Variants in SYNE2 observed in about 807,000 individuals in gnomAD.
SYNE2 encodes nesprin-2.
Under a neutral mutation model 856.3 loss-of-function variants are expected in SYNE2, and 431 were observed. The observed-to-expected ratio is 0.50, with a 90% CI of 0.47 to 0.55. The LOEUF is 0.55. Among genes scored for constraint, SYNE2 ranks in the 20% least tolerant of loss-of-function variants. The pLI is 0.00. For synonymous variants in SYNE2, 2,923 were observed against 2,872.3 expected, an observed-to-expected ratio of 1.02 and a Z score of -0.56; for missense variants, 8,129 against 8,023.2, an observed-to-expected ratio of 1.01 and a Z score of -0.50.
At chr14:63,965,011 A>G (rs979080433) in intron 10 of SYNE2, among the ~76,000 whole-genome samples, 1 of 136,920 alleles carries the variant, frequency 7.3e-6, no homozygotes. Flanking sequence ...GGCCCAGGCT[A>G]GAGTACAGTG....
chr14:63,840,640 G>A (rs1201569151), intron 1 of SYNE2, among the ~76,000 whole-genome samples: 1 of 151,514 alleles, frequency 6.6e-6, no homozygotes, highest in Non-Finnish European at 1.5e-5. Context: ...AATTTTAAAT[G>A]TCTCTGCCAA....
At chr14:64,141,236 T>G in intron 80 of SYNE2, 105 bp from the exon 81 acceptor site, 1 of 872,670 alleles carries the variant, frequency 1.1e-6, no homozygotes, top group African/African-American at 1.7e-5. Context: ...GTATACACAT[T>G]CGTATATTTA....
chr14:64,043,498 TA>T (rs35237735), intron 45 of SYNE2, among the ~76,000 whole-genome samples: 119,133 of 150,114 alleles, frequency 0.79, 48,152 homozygotes, highest in Non-Finnish European at 0.88. Flanking sequence ...GAGGCCTATG[TA>T]AAAAAAAAAA....
intron 1 of SYNE2, among the ~76,000 whole-genome samples, chr14:63,824,911 A>G (rs1057133216): frequency 7.2e-5 from 11 of 152,076 alleles, no homozygotes; most frequent in African/African-American, 2.4e-4. Flanking sequence ...AGGTGGGCGG[A>G]TCGCGAGGTC....
intron 2 of SYNE2, among the ~76,000 whole-genome samples, chr14:63,910,713 T>C (rs767303436): frequency 1.9e-4 from 29 of 152,212 alleles, no homozygotes; most frequent in Non-Finnish European, 3.7e-4. Flanking sequence ...TTTCCTTATT[T>C]GTAAAATGTG....
chr14:63,999,322 CT>C (rs1017995994), intron 27 of SYNE2, among the ~76,000 whole-genome samples: 1 of 151,864 alleles, frequency 6.6e-6, no homozygotes, highest in Non-Finnish European at 1.5e-5. Flanking sequence ...TTATTTCTTT[CT>C]TTTTATGCTT....
intron 1 of SYNE2, among the ~76,000 whole-genome samples, chr14:63,877,315 A>C (rs1332714893): frequency 6.6e-6 from 1 of 152,206 alleles, no homozygotes; most frequent in Admixed American, 6.5e-5. Context: ...AATAGGAACT[A>C]TGATTCATAG....
intron 1 of SYNE2, among the ~76,000 whole-genome samples, chr14:63,907,031 T>G (rs372618713): frequency 1.3e-5 from 2 of 152,100 alleles, no homozygotes; most frequent in African/African-American, 4.8e-5. Flanking sequence ...TACCGTGACA[T>G]TGGGGATTAG....
At chr14:64,002,428 A>G (rs574589798) in intron 29 of SYNE2, among the ~76,000 whole-genome samples, 8 of 152,294 alleles carry the variant, frequency 5.3e-5, no homozygotes, top group Non-Finnish European at 1.2e-4. Context: ...TTAACTAAAA[A>G]TATTTGTTCA....
chr14:63,796,086 T>A (rs1027267690), intron 1 of SYNE2, among the ~76,000 whole-genome samples: 4 of 152,222 alleles, frequency 2.6e-5, no homozygotes, highest in Non-Finnish European at 4.4e-5. Flanking sequence ...GTGCAGCTAA[T>A]AAGTAGCAAG....
At chr14:64,184,050 C>G (rs1343700606) in intron 96 of SYNE2, among the ~76,000 whole-genome samples, 3 of 152,114 alleles carry the variant, frequency 2.0e-5, no homozygotes, top group African/African-American at 4.8e-5. Flanking sequence ...TTTATACAAA[C>G]TGATCGTCAG....
chr14:63,957,128 T>C (rs1269204866), intron 8 of SYNE2, among the ~76,000 whole-genome samples: 1 of 152,024 alleles, frequency 6.6e-6, no homozygotes, highest in African/African-American at 2.4e-5. Flanking sequence ...TTTTTTTTTT[T>C]TTGGAGTCAG....
intron 53 of SYNE2, among the ~76,000 whole-genome samples, chr14:64,074,857 T>C (rs1232350305): frequency 6.7e-6 from 1 of 148,246 alleles, no homozygotes; most frequent in East Asian, 2.0e-4. Context: ...ATCGTGCCGC[T>C]GCAATCCAGC....
In SYNE2 at chr14:64,076,006, G is replaced by C. The variant is rs748433814; in HGVS notation, c.10928G>C (p.Arg3643Pro). The change falls in exon 54 of 116, where the codon CGA becomes CCA. Residue 3643 changes from arginine (R) to proline (P), a missense_variant. This residue lies in a region of SYNE2 where 5,410 missense variants were observed against 5,284.8 expected (regional missense o/e 1.02). Transcript: ENST00000555002. ...TTTGAGAATATTATGGAAAAACTGCGAATCAAGTATTCCGAAATGTACACC... is the reference window on the plus strand; with the variant it reads ...TTTGAGAATATTATGGAAAAACTGCCAATCAAGTATTCCGAAATGTACACC... Reference protein sequence around the residue: ...LTFENIMEKLRIKYSEMYTIV... With the variant: ...LTFENIMEKLPIKYSEMYTIV... The C allele has an allele frequency of 5.0e-6, 8 of 1,613,748 alleles. No homozygotes were observed. Among genetic ancestry groups the C allele is most frequent in the Admixed American group, 1.7e-5 (1 of 59,992 alleles).
chr14:64,079,127 G>A (rs1315362212), intron 55 of SYNE2, among the ~76,000 whole-genome samples: 1 of 152,164 alleles, frequency 6.6e-6, no homozygotes, highest in Admixed American at 6.5e-5. Flanking sequence ...CTGAGAGCCT[G>A]TGATTGTGAA....
At chr14:64,201,727 A>G (rs887416894) in intron 99 of SYNE2, among the ~76,000 whole-genome samples, 9 of 152,134 alleles carry the variant, frequency 5.9e-5, no homozygotes, top group Admixed American at 2.0e-4. Flanking sequence ...ATGGAGCACA[A>G]TGCTTCCTGA....
intron 1 of SYNE2, chr14:63,873,907 G>GT (rs928914848): frequency 2.0e-5 from 3 of 152,182 alleles, no homozygotes; most frequent in Non-Finnish European, 4.4e-5. Context: ...TCATGGCTTG[G>GT]TTTTCCCTCC....
At chr14:64,056,970 C>G (rs2097275763) in intron 49 of SYNE2, among the ~76,000 whole-genome samples, 1 of 151,728 alleles carries the variant, frequency 6.6e-6, no homozygotes, top group Non-Finnish European at 1.5e-5. Context: ...TGTGTGCATT[C>G]TTCTGTTATT....
At chr14:64,015,000 AAT>A (rs1328895277) in intron 32 of SYNE2, among the ~76,000 whole-genome samples, 6 of 121,780 alleles carry the variant, frequency 4.9e-5, no homozygotes, top group Non-Finnish European at 6.9e-5. Context: ...CACATATATA[AAT>A]ATATATATGT....
Sources: gnomAD v4.1 joint callset for allele counts (sites outside exome capture counted in the v4.1 genomes callset) on GRCh38, gnomAD v4.1.1 for gene constraint, gnomAD v4.1.1 regional missense constraint, MANE v1.5 for transcripts, NCBI Gene and HGNC (gene_info 2026-07-23, HGNC 2026-07-21) for gene names.